TRMT44: variants seen among roughly 807,000 people sequenced by gnomAD.
TRMT44 encodes tRNA methyltransferase 44 homolog.
In TRMT44, 78 loss-of-function variants were observed where a neutral mutation model predicts 77.3. That is an observed-to-expected ratio of 1.01 (90% CI 0.84 to 1.22). The LOEUF (loss-of-function observed/expected upper bound fraction) is 1.22. Among genes scored for constraint, TRMT44 ranks in the 50% most tolerant of loss-of-function variants. The probability of loss-of-function intolerance (pLI) is 0.00; values close to 1 mark genes in which losing one functional copy is unlikely to be tolerated. For synonymous variants in TRMT44, 391 were observed against 383.3 expected, an observed-to-expected ratio of 1.02 and a Z score of -0.23; for missense variants, 1,090 against 964.4, an observed-to-expected ratio of 1.13 and a Z score of -1.73.
chr4:8,499,873 T>A, the TRMT44 span, among the ~76,000 whole-genome samples: 2 of 151,514 alleles, frequency 1.3e-5, no homozygotes, highest in African/African-American at 2.4e-5. Flanking sequence ...GAGTCAGGAG[T>A]TTACTATATA....
intron 2 of TRMT44, among the ~76,000 whole-genome samples, chr4:8,487,484 C>T (rs142299002): frequency 0.011 from 1,537 of 143,546 alleles, 27 homozygotes; most frequent in African/African-American, 0.038. Context: ...AGGGATGGGG[C>T]GCAGAGATAA....
chr4:8,447,371 G>T (rs755844052), intron 2 of TRMT44, among the ~76,000 whole-genome samples: 3 of 152,184 alleles, frequency 2.0e-5, no homozygotes, highest in Non-Finnish European at 4.4e-5. Context: ...TCAGAGGAGG[G>T]GTGAATTCAT....
Position 8,441,285 on chromosome 4 carries a change from C to G in TRMT44, c.463C>G (p.Arg155Gly), listed in dbSNP as rs768364225. 2.6e-6 allele frequency: 4 copies of G among 1,535,396 alleles called. No individual in the cohort carries two copies. Among genetic ancestry groups the G allele is most frequent in the Non-Finnish European group, 3.5e-6 (4 of 1,146,658 alleles). Residue 155 changes from arginine (R) to glycine (G), a missense_variant, in exon 1 of 11, where the codon CGT becomes GGT. By Grantham distance (125) the Arg-to-Gly change is moderately radical. Transcript: ENST00000389737. ...GGAGGATTTCTCCCAAAGTCTCGCC[C>G]GTGGCAATTCGGAGTTGCTGGCCTT... ...LWEDFSQSLA[R>G]GNSELLAFLT...
chr4:8,440,779 C>T lies in TRMT44; in HGVS notation c.-44C>T. On this transcript the variant is annotated 5_prime_UTR_variant, in exon 1 of 11. Transcript: ENST00000389737. ...AACGCGCCGCGCCACCGGGCTGCGTCATCTCGGCGCGCCGCTGCCAGGGCT... is the reference window on the plus strand; with the variant it reads ...AACGCGCCGCGCCACCGGGCTGCGTTATCTCGGCGCGCCGCTGCCAGGGCT... 1.4e-6 allele frequency: 2 copies of T among 1,381,060 alleles called. No individual in the cohort carries two copies. The highest frequency in any genetic ancestry group is 2.9e-5 in the East Asian group (1 of 34,250). 85.6% of individuals were successfully genotyped at this position (1,381,060 alleles called of 1,614,324 possible). A position where few individuals can be genotyped will look rare whatever the true frequency, so the allele number is the denominator to read the frequency against.
At chr4:8,459,690 A>G (rs933216494) in intron 6 of TRMT44, among the ~76,000 whole-genome samples, 2 of 151,268 alleles carry the variant, frequency 1.3e-5, no homozygotes, top group Non-Finnish European at 2.9e-5. Flanking sequence ...AATTCTGAGC[A>G]CTACAAGAGA....
At chr4:8,442,655 C>CTCATTCA (rs1354183462) in intron 1 of TRMT44, among the ~76,000 whole-genome samples, 1 of 152,258 alleles carries the variant, frequency 6.6e-6, no homozygotes, top group African/African-American at 2.4e-5. Context: ...TGTTCTCAGG[C>CTCATTCA]TCATTCAGTT....
At chr4:8,448,709 T>C (rs971851356) in intron 2 of TRMT44, among the ~76,000 whole-genome samples, 1 of 152,234 alleles carries the variant, frequency 6.6e-6, no homozygotes, top group African/African-American at 2.4e-5. Context: ...GGGTTGACTC[T>C]CTGGAGAATC....
intron 6 of TRMT44, among the ~76,000 whole-genome samples, chr4:8,463,034 A>G (rs1347136484): frequency 2.0e-5 from 3 of 152,232 alleles, no homozygotes; most frequent in Non-Finnish European, 2.9e-5. Context: ...ACAGAATTTC[A>G]GTTTTAGTTT....
At chr4:8,489,609 T>C (rs2386228) in intron 2 of TRMT44, among the ~76,000 whole-genome samples, 72,531 of 151,970 alleles carry the variant, frequency 0.48, 17,635 homozygotes, top group South Asian at 0.67. Context: ...CCCGAGTGGC[T>C]GGGATTACAG....
At chr4:8,482,063 A>G (rs1450741573) in intron 2 of TRMT44, among the ~76,000 whole-genome samples, 1 of 152,226 alleles carries the variant, frequency 6.6e-6, no homozygotes, top group Non-Finnish European at 1.5e-5. Flanking sequence ...CGAGGTCTGC[A>G]AAGCTTTTGC....
chr4:8,468,541 G>T, intron 9 of TRMT44, 195 bp downstream of exon 9: 1 of 613,808 alleles, frequency 1.6e-6, no homozygotes, highest in East Asian at 2.7e-5. Flanking sequence ...AAACATAAAG[G>T]ACTTTGTTAT....
chr4:8,455,166 C>G (rs776372880), intron 6 of TRMT44, among the ~76,000 whole-genome samples: 1 of 152,212 alleles, frequency 6.6e-6, no homozygotes, highest in African/African-American at 2.4e-5. Flanking sequence ...CCAAAGGCTG[C>G]TCGTTCAGTC....
chr4:8,499,042 G>C, the TRMT44 span, among the ~76,000 whole-genome samples: 60 of 152,120 alleles, frequency 3.9e-4, no homozygotes, highest in East Asian at 7.2e-3. Context: ...AGCAGGGGCA[G>C]ATACAGCTGC....
At chr4:8,487,078 C>T (rs181274258) in intron 2 of TRMT44, among the ~76,000 whole-genome samples, 15 of 152,180 alleles carry the variant, frequency 9.9e-5, no homozygotes, top group South Asian at 4.1e-4. Context: ...AATGCCTGGA[C>T]GTCAGGCACA....
chr4:8,491,771 G>C (rs142065114), intron 2 of TRMT44, among the ~76,000 whole-genome samples: 3,441 of 152,324 alleles, frequency 0.023, 72 homozygotes, highest in African/African-American at 0.053. Context: ...ACGCAGCCCC[G>C]GTTCCCGCTC....
At chr4:8,481,267 C>T (rs1314960011), downstream of TRMT44, among the ~76,000 whole-genome samples, 3 of 152,190 alleles carry the variant, frequency 2.0e-5, no homozygotes, top group Admixed American at 6.5e-5. Flanking sequence ...TTTGAGTTGT[C>T]CCGCCTTTCT....
In TRMT44 at chr4:8,452,003, A is replaced by G; in HGVS notation, c.998A>G (p.Asp333Gly). The G allele has an allele frequency of 6.5e-7, 1 of 1,536,702 alleles. No homozygotes were observed. Among genetic ancestry groups the G allele is most frequent in the South Asian group, 1.2e-5 (1 of 84,030 alleles). Residue 333 changes from aspartate (D) to glycine (G), a missense_variant, in exon 4 of 11, where the codon GAT becomes GGT. By Grantham distance (94) the Asp-to-Gly change is moderately conservative. Coordinates refer to ENST00000389737, the MANE Select transcript of TRMT44 (RefSeq NM_152544.3). This position sits in a 1 kb window ranked among gnomAD's most constrained non-coding sequence, Gnocchi z 5.7. Reference protein sequence around the residue: ...VTDPEKFVYEDVAIAAYLLIL... With the variant: ...VTDPEKFVYEGVAIAAYLLIL... ...GATCCTGAGAAGTTCGTGTATGAAG[A>G]TGTGGCTATCGCAGCATACCTGCTG...
At chr4:8,485,664 G>A (rs1727779712) in intron 2 of TRMT44, among the ~76,000 whole-genome samples, 1 of 152,146 alleles carries the variant, frequency 6.6e-6, no homozygotes, top group South Asian at 2.1e-4. Flanking sequence ...AGGAGGCTTT[G>A]GGTTGGGGAG....
At chr4:8,490,278 G>T (rs1310784248) in intron 2 of TRMT44, among the ~76,000 whole-genome samples, 2 of 152,232 alleles carry the variant, frequency 1.3e-5, no homozygotes, top group Non-Finnish European at 2.9e-5. Flanking sequence ...TGGTCTCACT[G>T]ACTTCAAGAA....
Sources: gnomAD v4.1 joint callset for allele counts (sites outside exome capture counted in the v4.1 genomes callset) on GRCh38, gnomAD v4.1.1 for gene constraint, Gnocchi (gnomAD v3.1) non-coding constraint, MANE v1.5 for transcripts, NCBI Gene and HGNC (gene_info 2026-07-23, HGNC 2026-07-21) for gene names.